Variants in COL5A2 observed in about 807,000 individuals in gnomAD.
COL5A2 encodes the protein collagen type V alpha 2 chain.
COL5A2 carries 23 observed loss-of-function variants against 208.2 expected under a neutral mutation model. The ratio of observed to expected loss-of-function variants is 0.11; its 90% CI spans 0.08 to 0.16. COL5A2 has a LOEUF of 0.16. COL5A2 is among the 10% of genes least tolerant of loss of function. COL5A2 has a pLI of 1.00. For missense variants in COL5A2, 1,590 were observed against 1,956.4 expected (o/e 0.81, Z 3.53); for synonymous variants, 625 against 628.5 (o/e 0.99, Z 0.08).
At chr2:189,268,709 C>T in the COL5A2 span, among the ~76,000 whole-genome samples, 1 of 104,022 alleles carries the variant, frequency 9.6e-6, no homozygotes, top group Non-Finnish European at 2.2e-5. Flanking sequence ...TTTTAACAAA[C>T]AATATTTAGA....
chr2:189,379,600 A>T, the COL5A2 span, among the ~76,000 whole-genome samples: 5 of 152,186 alleles, frequency 3.3e-5, no homozygotes, highest in Non-Finnish European at 7.4e-5. Flanking sequence ...AGTGTTTTGT[A>T]TGTCCTTTAC....
the COL5A2 span, among the ~76,000 whole-genome samples, chr2:189,325,683 A>T: frequency 2.0e-5 from 3 of 152,166 alleles, no homozygotes; most frequent in Non-Finnish European, 4.4e-5. Flanking sequence ...AAGGAGGAAA[A>T]ATGTACTTAT....
At chr2:189,246,221 C>T in the COL5A2 span, among the ~76,000 whole-genome samples, 23 of 151,774 alleles carry the variant, frequency 1.5e-4, no homozygotes, top group Non-Finnish European at 2.4e-4. Flanking sequence ...GATTATGACA[C>T]GTTACACATT....
At chr2:189,403,997 C>T in the COL5A2 span, among the ~76,000 whole-genome samples, 1 of 152,166 alleles carries the variant, frequency 6.6e-6, no homozygotes, top group Non-Finnish European at 1.5e-5. Flanking sequence ...TCCCAAAGTG[C>T]TGGGATTACA....
chr2:189,218,523 T>C (rs530377485), intron 1 of COL5A2, among the ~76,000 whole-genome samples: 2 of 152,280 alleles, frequency 1.3e-5, no homozygotes, highest in East Asian at 1.9e-4. Flanking sequence ...ATCAAATTTC[T>C]ACAATCCAGA....
At chr2:189,138,714 A>C (rs1272769529) in intron 1 of COL5A2, among the ~76,000 whole-genome samples, 1 of 152,216 alleles carries the variant, frequency 6.6e-6, no homozygotes, top group Non-Finnish European at 1.5e-5. Context: ...AAAGTAAAAA[A>C]GTACATACAC....
At chr2:189,034,842 G>C in intron 53 of COL5A2, 74 bp downstream of exon 53, 1 of 1,582,324 alleles carries the variant, frequency 6.3e-7, no homozygotes, top group East Asian at 2.2e-5. Flanking sequence ...CCCAGTTCTA[G>C]TGCTGTAATA....
At chr2:189,064,140 T>G in intron 25 of COL5A2, 107 bp from the exon 26 acceptor site, 1 of 860,262 alleles carries the variant, frequency 1.2e-6, no homozygotes, top group Non-Finnish European at 1.9e-6. Context: ...TAGAATGACA[T>G]TTCTGTAAAT....
the COL5A2 span, among the ~76,000 whole-genome samples, chr2:189,318,805 G>A: frequency 6.6e-6 from 1 of 152,194 alleles, no homozygotes; most frequent in Non-Finnish European, 1.5e-5. Flanking sequence ...GGGCTTGGGG[G>A]TGTCAGTTGC....
chr2:189,082,440 T>C (rs1319475759), intron 12 of COL5A2, among the ~76,000 whole-genome samples: 1 of 152,208 alleles, frequency 6.6e-6, no homozygotes, highest in Non-Finnish European at 1.5e-5. Flanking sequence ...AAGAACTCCC[T>C]TTAAGTGTTC....
At chr2:189,388,172 A>C in the COL5A2 span, among the ~76,000 whole-genome samples, 3 of 152,182 alleles carry the variant, frequency 2.0e-5, no homozygotes, top group Non-Finnish European at 4.4e-5. Flanking sequence ...AGAACACAGC[A>C]ATAAAAATGG....
At chr2:189,052,373 C>T (rs1278816118) in intron 40 of COL5A2, 148 bp from the exon 41 acceptor site, 1 of 775,992 alleles carries the variant, frequency 1.3e-6, no homozygotes, top group African/African-American at 1.8e-5. Context: ...GTACGAATCC[C>T]ATATTTTGGG....
At chr2:189,334,607 T>A in the COL5A2 span, among the ~76,000 whole-genome samples, 1 of 152,038 alleles carries the variant, frequency 6.6e-6, no homozygotes, top group African/African-American at 2.4e-5. Context: ...TGTGAAGATA[T>A]ACTATTTCAT....
At chr2:189,049,514 T>C (rs1685739058) in intron 43 of COL5A2, 60 bp from the exon 44 acceptor site, 2 of 1,380,532 alleles carry the variant, frequency 1.4e-6, no homozygotes, top group Admixed American at 3.7e-5. Flanking sequence ...CTAGTTCCCA[T>C]AAAGGCTAAG....
rs1231393036 is a variant in COL5A2, at chr2:189,062,076, AT to A, written c.1978-462del. The stretch of plus-strand genomic sequence containing the variant: ...TAAACTGCCCCACCCCCCCAAAAAA[AT>A]ATGCCAAAATATTTCGGATAAACAC... On this transcript the variant is annotated intron_variant, in intron 29 of 53. Transcript: ENST00000374866. Among the ~76,000 whole-genome samples the A allele has an allele frequency of 3.3e-5, 5 of 152,196 alleles. No homozygotes were observed. The South Asian group carries it at 6.2e-4, about 19-fold the overall frequency.
At chr2:189,176,188 G>C (rs985515123) in intron 1 of COL5A2, among the ~76,000 whole-genome samples, 1 of 152,168 alleles carries the variant, frequency 6.6e-6, no homozygotes, top group African/African-American at 2.4e-5. Context: ...TCAAAAGTTA[G>C]CTTGGGTCCA....
intron 1 of COL5A2, among the ~76,000 whole-genome samples, chr2:189,120,239 T>C (rs1313850905): frequency 6.6e-6 from 1 of 152,146 alleles, no homozygotes; most frequent in African/African-American, 2.4e-5. Context: ...GAATTTTTTG[T>C]AGAATGATTT....
intron 45 of COL5A2, among the ~76,000 whole-genome samples, chr2:189,046,347 T>C (rs528257419): frequency 6.6e-5 from 10 of 152,192 alleles, no homozygotes; most frequent in Non-Finnish European, 1.3e-4. Flanking sequence ...AAACTATATT[T>C]TGATTATCCT....
chr2:189,088,137 T>G (rs1272527891), intron 8 of COL5A2, among the ~76,000 whole-genome samples: 2 of 152,156 alleles, frequency 1.3e-5, no homozygotes, highest in Non-Finnish European at 2.9e-5. Context: ...GTTAATTTAT[T>G]CAATAAAATT....
Sources: gnomAD v4.1 joint callset for allele counts (sites outside exome capture counted in the v4.1 genomes callset) on GRCh38, gnomAD v4.1.1 for gene constraint, MANE v1.5 for transcripts, NCBI Gene and HGNC (gene_info 2026-07-23, HGNC 2026-07-21) for gene names.